The following GPC5 variants were observed in gnomAD, a reference collection of about 807,000 sequenced individuals.
GPC5 encodes glypican 5.
In GPC5, 47 loss-of-function variants were observed where a neutral mutation model predicts 53.9. The observed-to-expected ratio is 0.87, with a 90% CI of 0.69 to 1.11. The LOEUF (loss-of-function observed/expected upper bound fraction) is 1.11. GPC5 is among the 50% of genes most tolerant of loss of function. The pLI, the probability that GPC5 is intolerant of heterozygous loss-of-function variation, is 0.00. For synonymous variants in GPC5, 286 were observed against 263.3 expected (o/e 1.09, Z -0.84); for missense variants, 748 against 713.1 (o/e 1.05, Z -0.56).
At chr13:92,608,445 A>G (rs1387361031) in intron 7 of GPC5, among the ~76,000 whole-genome samples, 1 of 152,214 alleles carries the variant, frequency 6.6e-6, no homozygotes, top group Non-Finnish European at 1.5e-5. Flanking sequence ...CTATAATGGT[A>G]GGCAATCCTA....
At chr13:92,336,960 A>G (rs965821961) in intron 7 of GPC5, among the ~76,000 whole-genome samples, 6 of 152,072 alleles carry the variant, frequency 3.9e-5, no homozygotes, top group Non-Finnish European at 7.4e-5. Context: ...TATAAAACCA[A>G]CGGATCTCAT....
intron 7 of GPC5, among the ~76,000 whole-genome samples, chr13:92,758,917 A>G (rs192299188): frequency 2.7e-4 from 41 of 151,210 alleles, no homozygotes; most frequent in Non-Finnish European, 2.1e-4. Flanking sequence ...ATGGTGTAAA[A>G]GAAGGGTCCA....
chr13:92,218,610 T>G (rs1462344687), intron 7 of GPC5, among the ~76,000 whole-genome samples: 1 of 152,170 alleles, frequency 6.6e-6, no homozygotes, highest in Non-Finnish European at 1.5e-5. Flanking sequence ...CTTCTTTACC[T>G]TAAAGGTCCA....
chr13:91,675,640 A>G lies in GPC5; in HGVS notation c.326-17547A>G, dbSNP rs559079241. On this transcript the variant is annotated intron_variant, in intron 2 of 7. Coordinates refer to ENST00000377067, the MANE Select transcript of GPC5 (RefSeq NM_004466.6). Reference sequence around the variant, plus strand: ...TGAAATAGTAGATTGTACAACCAATAGCCTAATTGGATTAAGGAGACTTCC... The same window carrying G: ...TGAAATAGTAGATTGTACAACCAATGGCCTAATTGGATTAAGGAGACTTCC... 3.3e-5 allele frequency among the ~76,000 whole-genome samples: 5 copies of G among 152,372 alleles called. No homozygotes were observed. The South Asian group carries it at 1.0e-3, about 32-fold the overall frequency.
intron 2 of GPC5, among the ~76,000 whole-genome samples, chr13:91,480,381 T>C (rs926557286): frequency 6.6e-6 from 1 of 152,184 alleles, no homozygotes; most frequent in Non-Finnish European, 1.5e-5. Context: ...GTTAAGTCCT[T>C]CACCACATGT....
At chr13:91,631,973 A>G (rs1185505885) in intron 2 of GPC5, among the ~76,000 whole-genome samples, 1 of 152,152 alleles carries the variant, frequency 6.6e-6, no homozygotes, top group Non-Finnish European at 1.5e-5. Flanking sequence ...TAGATATTAG[A>G]AAATGAGGCT....
At chr13:92,047,278 A>G (rs1005352193) in intron 6 of GPC5, among the ~76,000 whole-genome samples, 3 of 152,110 alleles carry the variant, frequency 2.0e-5, no homozygotes, top group African/African-American at 7.2e-5. Context: ...TAATTAAATC[A>G]TCTTAGATCT....
intron 7 of GPC5, among the ~76,000 whole-genome samples, chr13:92,401,467 T>C (rs953533819): frequency 3.9e-5 from 6 of 152,074 alleles, no homozygotes; most frequent in African/African-American, 1.4e-4. Flanking sequence ...ATAATTCACA[T>C]CAAATTTCAA....
intron 6 of GPC5, among the ~76,000 whole-genome samples, chr13:92,090,070 A>G (rs1342551058): frequency 1.3e-5 from 2 of 152,224 alleles, no homozygotes; most frequent in Non-Finnish European, 2.9e-5. Context: ...ACCTGCTTTT[A>G]TATGAAAAGT....
chr13:91,902,770 G>A (rs549672985), intron 5 of GPC5, among the ~76,000 whole-genome samples: 1 of 151,816 alleles, frequency 6.6e-6, no homozygotes, highest in Middle Eastern at 3.2e-3. Context: ...ATGTTTTTTT[G>A]CATGCAAATT....
Position 92,341,844 on chromosome 13 carries a change from G to A in GPC5, c.1561+196855G>A, listed in dbSNP as rs556260709. 3.0e-4 allele frequency among the ~76,000 whole-genome samples: 46 copies of A among 152,112 alleles called. 1 individual carries two copies. The highest frequency in any genetic ancestry group is 8.9e-4 in the African/African-American group (37 of 41,540). On this transcript the variant is annotated intron_variant, in intron 7 of 7. Transcript: ENST00000377067. Reference sequence around the variant, plus strand: ...ATATTAAGAAAATCTAGGCTGTTGCGTTTATCGAGGGGGAAATCTTTACCA... The same window carrying A: ...ATATTAAGAAAATCTAGGCTGTTGCATTTATCGAGGGGGAAATCTTTACCA...
chr13:91,610,876 A>G (rs1423819897), intron 2 of GPC5, among the ~76,000 whole-genome samples: 2 of 152,182 alleles, frequency 1.3e-5, no homozygotes, highest in African/African-American at 2.4e-5. Flanking sequence ...AGCTCGGGAA[A>G]TTGCTTAAAT....
At chr13:92,484,082 G>A (rs1879461922) in intron 7 of GPC5, among the ~76,000 whole-genome samples, 1 of 152,186 alleles carries the variant, frequency 6.6e-6, no homozygotes, top group Admixed American at 6.5e-5. Context: ...CGGCTACAGT[G>A]AGCCATGATC....
intron 7 of GPC5, among the ~76,000 whole-genome samples, chr13:92,185,183 C>A (rs1212929908): frequency 6.6e-6 from 1 of 152,060 alleles, no homozygotes; most frequent in Non-Finnish European, 1.5e-5. Flanking sequence ...TATCCTGGGA[C>A]CTTTATCAGC....
At chr13:92,068,250 T>G (rs2041182519) in intron 6 of GPC5, among the ~76,000 whole-genome samples, 1 of 152,004 alleles carries the variant, frequency 6.6e-6, no homozygotes, top group South Asian at 2.1e-4. Flanking sequence ...AAGAAAAACT[T>G]TCCAGTTAAT....
chr13:91,575,999 A>G (rs774273646), intron 2 of GPC5, among the ~76,000 whole-genome samples: 1 of 152,176 alleles, frequency 6.6e-6, no homozygotes, highest in Non-Finnish European at 1.5e-5. Context: ...TTTATTTAGC[A>G]TGAAAACCGA....
rs2040052143 is a variant in GPC5, at chr13:91,954,132, C to T, written c.1401+46075C>T. On this transcript the variant is annotated intron_variant, in intron 6 of 7. Coordinates refer to ENST00000377067, the MANE Select transcript of GPC5 (RefSeq NM_004466.6). ...CTTAAAAAGATACAATTCCATAAGG[C>T]TTCACTAGTAAGGTTTTGCAACCAT... 2.0e-5 allele frequency among the ~76,000 whole-genome samples: 3 copies of T among 152,128 alleles called. No homozygotes were observed. In the South Asian group the frequency reaches 6.2e-4, roughly 32 times the overall value.
rs199631822 is a variant in GPC5 at position 91,728,581 on chromosome 13, G to A, written c.1070G>A (p.Arg357His). Residue 357 changes from arginine (R) to histidine (H), a missense_variant, in exon 4 of 8, where the codon CGT (arginine) becomes CAT (histidine). Arg to His is a conservative substitution (Grantham distance 29). Coordinates refer to ENST00000377067, the MANE Select transcript of GPC5 (RefSeq NM_004466.6). ...GTAAGAACACCCACACAAAGCCCCC[G>A]TTGTTCTTTTGATCAGAGCAAAGAG... ...RPVRTPTQSP[R>H]CSFDQSKEKH... 5.5e-5 allele frequency: 88 copies of A among 1,612,866 alleles called. No homozygotes were observed. Among genetic ancestry groups the A allele is most frequent in the South Asian group, 1.4e-4 (13 of 91,004 alleles).
At chr13:91,959,826 GCATCATAT>G (rs1457733579) in intron 6 of GPC5, among the ~76,000 whole-genome samples, 4 of 151,974 alleles carry the variant, frequency 2.6e-5, no homozygotes, top group Non-Finnish European at 4.4e-5. Context: ...CAAACGTCAT[GCATCATAT>G]CAACAGAATT....
Sources: allele counts gnomAD v4.1 joint callset (sites outside exome capture counted in the v4.1 genomes callset), GRCh38; gene constraint gnomAD v4.1.1; transcripts MANE v1.5; gene names NCBI Gene and HGNC (gene_info 2026-07-23, HGNC 2026-07-21).